Variants in RALGAPA2 observed in about 807,000 individuals in gnomAD.
RALGAPA2 encodes ral GTPase-activating protein subunit alpha-2.
A neutral mutation model predicts 230.4 loss-of-function variants in RALGAPA2; 139 were observed. That is an observed-to-expected ratio of 0.60 (90% CI 0.53 to 0.69). The LOEUF (loss-of-function observed/expected upper bound fraction) is 0.69, where lower values mean the gene tolerates loss of function less well. Among genes scored for constraint, RALGAPA2 ranks in the 30% least tolerant of loss-of-function variants. RALGAPA2 has a pLI of 0.00. For missense variants in RALGAPA2, 2,163 were observed against 2,276.0 expected (o/e 0.95, Z 1.01); for synonymous variants, 847 against 837.8 (o/e 1.01, Z -0.19).
chr20:20,577,802 A>AT (rs2064866151), intron 20 of RALGAPA2, among the ~76,000 whole-genome samples: 2 of 152,148 alleles, frequency 1.3e-5, no homozygotes. Flanking sequence ...AGAAAAAAAA[A>AT]GTAAGGGGAT....
chr20:20,529,085 G>A (rs2063302734), intron 27 of RALGAPA2, among the ~76,000 whole-genome samples: 1 of 152,244 alleles, frequency 6.6e-6, no homozygotes, highest in Admixed American at 6.5e-5. Flanking sequence ...GGAAACTAGA[G>A]GGAGGCAGGA....
rs1275540351 is a variant in RALGAPA2 at position 20,583,119 on chromosome 20, C to T, written c.2638G>A (p.Asp880Asn). The change falls in exon 20 of 40, where the codon GAT (aspartate) becomes AAT (asparagine). Residue 880 changes from aspartate to asparagine, a missense_variant. Coordinates refer to ENST00000202677, the MANE Select transcript of RALGAPA2 (RefSeq NM_020343.4). Reference sequence around the variant, plus strand: ...CGGGCATCAGCATCAGCCACAACATCTGTGGGAGTATTCAGTTCTGGGTCT... The same window carrying T: ...CGGGCATCAGCATCAGCCACAACATTTGTGGGAGTATTCAGTTCTGGGTCT... ...EEDPELNTPT[D>N]VVADADARHW... 2 of 1,613,606 alleles carry T rather than the reference C, an allele frequency of 1.2e-6. No homozygotes were observed. Among genetic ancestry groups the T allele is most frequent in the African/African-American group, 2.7e-5 (2 of 74,902 alleles).
intron 4 of RALGAPA2, among the ~76,000 whole-genome samples, chr20:20,651,385 T>C (rs1034773860): frequency 5.3e-5 from 8 of 152,232 alleles, no homozygotes; most frequent in South Asian, 2.1e-4. Context: ...CAAATGCTCA[T>C]ATTTCAACAT....
chr20:20,532,638 A>G (rs2145576490), intron 26 of RALGAPA2, among the ~76,000 whole-genome samples: 1 of 152,332 alleles, frequency 6.6e-6, no homozygotes, highest in African/African-American at 2.4e-5. Flanking sequence ...GCCGTTTAAT[A>G]TATAAGTCTG....
intron 37 of RALGAPA2, among the ~76,000 whole-genome samples, chr20:20,440,326 A>G (rs1325749942): frequency 6.6e-6 from 1 of 152,228 alleles, no homozygotes; most frequent in Non-Finnish European, 1.5e-5. Flanking sequence ...CAAAACAGGA[A>G]GCATAATAAT....
Position 20,513,177 on chromosome 20 carries a change from G to A in RALGAPA2, c.4192C>T (p.Leu1398=). Residue 1398 remains leucine (L), a synonymous_variant, in exon 32 of 40, where the codon CTG becomes TTG. Coordinates refer to ENST00000202677, the MANE Select transcript of RALGAPA2 (RefSeq NM_020343.4). ...HYPLSGGPAI[L]HSLVSENHDN... Reference sequence around the variant, plus strand: ...TGGTTCTCGCTGACAAGGCTGTGCAGTATGGCAGGGCCCCCACTGAGGGGG... The same window carrying A: ...TGGTTCTCGCTGACAAGGCTGTGCAATATGGCAGGGCCCCCACTGAGGGGG... 2 of 1,537,082 alleles carry A rather than the reference G, an allele frequency of 1.3e-6. No individual in the cohort carries two copies. Among genetic ancestry groups the A allele is most frequent in the Non-Finnish European group, 1.7e-6 (2 of 1,145,970 alleles).
intron 16 of RALGAPA2, among the ~76,000 whole-genome samples, chr20:20,595,967 C>A (rs2065441697): frequency 6.6e-6 from 1 of 151,510 alleles, no homozygotes; most frequent in African/African-American, 2.4e-5. Context: ...AAAAAACAAA[C>A]AAAAAACAAA....
In RALGAPA2 at chr20:20,567,952, A is replaced by G. The variant is rs1017394707; in HGVS notation, c.3156+3506T>C. Among the ~76,000 whole-genome samples, 3 of 152,030 alleles carry G rather than the reference A, an allele frequency of 2.0e-5. No individual in the cohort carries two copies. The East Asian group carries it at 5.8e-4, about 29-fold the overall frequency. ...TGGTATTTATTGAATTGAATTGCAGAGAAGATTCAATAGTACAACATCATG... is the reference window on the plus strand; with the variant it reads ...TGGTATTTATTGAATTGAATTGCAGGGAAGATTCAATAGTACAACATCATG... On this transcript the variant is annotated intron_variant, in intron 23 of 39. Transcript: ENST00000202677.
intron 37 of RALGAPA2, among the ~76,000 whole-genome samples, chr20:20,438,783 ATATG>A (rs1048288889): frequency 4.8e-4 from 73 of 152,340 alleles, no homozygotes; most frequent in African/African-American, 1.6e-3. Flanking sequence ...TTATTTATAT[ATATG>A]TATTTCCCCC....
Position 20,605,416 on chromosome 20 carries a change from A to AAACC in RALGAPA2, c.1801-8_1801-5dup. ...GGATCCAAGCTACCATGAGCGTCTA[A>AAACC]AACCAACCAACCAACAAGAGAATTC... On this transcript the variant is annotated splice_region_variant and splice_polypyrimidine_tract_variant and intron_variant, in intron 14 of 39. Transcript: ENST00000202677. 6.3e-7 allele frequency: 1 copy of AAACC among 1,593,896 alleles called. No individual in the cohort carries two copies. The highest frequency in any genetic ancestry group is 8.6e-7 in the Non-Finnish European group (1 of 1,162,196).
intron 38 of RALGAPA2, among the ~76,000 whole-genome samples, chr20:20,405,328 T>A (rs2059923394): frequency 6.6e-6 from 1 of 152,208 alleles, no homozygotes; most frequent in African/African-American, 2.4e-5. Flanking sequence ...GTGTCTGCTT[T>A]TCTCCAATAA....
intron 37 of RALGAPA2, among the ~76,000 whole-genome samples, chr20:20,434,414 ACT>A: frequency 6.6e-6 from 1 of 152,094 alleles, no homozygotes; most frequent in Middle Eastern, 3.4e-3. Context: ...AAGCAGAAAC[ACT>A]CTCAGTCCCC....
intron 24 of RALGAPA2, among the ~76,000 whole-genome samples, chr20:20,538,334 G>A (rs541912859): frequency 6.4e-4 from 98 of 152,326 alleles, no homozygotes; most frequent in Admixed American, 3.2e-3. Context: ...ACAGAGGAGA[G>A]TAGAAATCAG....
intron 36 of RALGAPA2, among the ~76,000 whole-genome samples, chr20:20,491,561 C>T (rs1414056416): frequency 2.0e-5 from 3 of 152,172 alleles, no homozygotes; most frequent in Admixed American, 6.5e-5. Context: ...GAAAGCAGCA[C>T]GGGTACTCAC....
chr20:20,635,071 G>A (rs1436679701), intron 9 of RALGAPA2, among the ~76,000 whole-genome samples: 1 of 152,168 alleles, frequency 6.6e-6, no homozygotes, highest in Non-Finnish European at 1.5e-5. Flanking sequence ...TCCAGCTACT[G>A]GGGCTTGGTG....
intron 23 of RALGAPA2, among the ~76,000 whole-genome samples, chr20:20,564,034 C>A (rs147316297): frequency 3.3e-5 from 5 of 152,118 alleles, no homozygotes; most frequent in Non-Finnish European, 7.4e-5. Context: ...TTATAATTCA[C>A]CCCCACTTTA....
At chr20:20,635,361 T>A in intron 9 of RALGAPA2, 57 bp downstream of exon 9, 1 of 1,490,400 alleles carries the variant, frequency 6.7e-7, no homozygotes, top group Non-Finnish European at 9.2e-7. Context: ...TTTGGCTATG[T>A]TCCAGTGTAT....
chr20:20,467,823 G>C (rs374725616), intron 37 of RALGAPA2, among the ~76,000 whole-genome samples: 1 of 152,040 alleles, frequency 6.6e-6, no homozygotes, highest in South Asian at 2.1e-4. Flanking sequence ...GCTCCTCCAG[G>C]CCTCCCCTTT....
At chr20:20,413,560 C>T (rs1381585002) in intron 37 of RALGAPA2, among the ~76,000 whole-genome samples, 1 of 152,150 alleles carries the variant, frequency 6.6e-6, no homozygotes, top group East Asian at 1.9e-4. Flanking sequence ...AGTTGCTTTG[C>T]CCCTCCCCCC....
Sources: gnomAD v4.1 joint callset for allele counts (sites outside exome capture counted in the v4.1 genomes callset) on GRCh38, gnomAD v4.1.1 for gene constraint, MANE v1.5 for transcripts, NCBI Gene and HGNC (gene_info 2026-07-23, HGNC 2026-07-21) for gene names.